The following MIPEP variants were observed in gnomAD, a reference collection of about 807,000 sequenced individuals.
MIPEP encodes mitochondrial intermediate peptidase.
MIPEP carries 79 observed loss-of-function variants against 90.3 expected under a neutral mutation model. The ratio of observed to expected loss-of-function variants is 0.87; its 90% CI spans 0.73 to 1.05. The LOEUF (loss-of-function observed/expected upper bound fraction) is 1.05, where lower values mean the gene tolerates loss of function less well. Among genes scored for constraint, MIPEP ranks in the 50% least tolerant of loss-of-function variants. The pLI is 0.00. For synonymous variants in MIPEP, 334 were observed against 315.8 expected (o/e 1.06, Z -0.61); for missense variants, 940 against 905.6 (o/e 1.04, Z -0.49).
chr13:23,782,957 A>G (rs1425220289), intron 16 of MIPEP, among the ~76,000 whole-genome samples: 5 of 152,222 alleles, frequency 3.3e-5, no homozygotes, highest in Non-Finnish European at 7.3e-5. Flanking sequence ...AATTGAGGCA[A>G]TAATTAATAG....
At chr13:23,762,031 A>T (rs1477582557) in intron 16 of MIPEP, among the ~76,000 whole-genome samples, 6 of 152,206 alleles carry the variant, frequency 3.9e-5, no homozygotes, top group Non-Finnish European at 7.3e-5. Flanking sequence ...AAGCTGAAGC[A>T]GGAGAACTGC....
intron 16 of MIPEP, 52 bp downstream of exon 16, chr13:23,805,898 G>T (rs1037752983): frequency 3.2e-6 from 5 of 1,586,092 alleles, no homozygotes; most frequent in African/African-American, 2.7e-5. Flanking sequence ...AGCTACAGAA[G>T]TAATAGCAGA....
chr13:23,888,050 GC>G, intron 1 of MIPEP: 1 of 404,578 alleles, frequency 2.5e-6, no homozygotes, highest in East Asian at 7.6e-5. Context: ...TTTTTTCAAG[GC>G]AAAAATCAAT....
chr13:23,758,907 G>C (rs1565983732), intron 17 of MIPEP, among the ~76,000 whole-genome samples: 1 of 152,136 alleles, frequency 6.6e-6, no homozygotes, highest in Non-Finnish European at 1.5e-5. Context: ...TGAACAAACT[G>C]TTTTCTCTGA....
At chr13:23,782,338 C>T (rs1309594553) in intron 16 of MIPEP, among the ~76,000 whole-genome samples, 4 of 152,052 alleles carry the variant, frequency 2.6e-5, no homozygotes, top group African/African-American at 9.7e-5. Flanking sequence ...AACTGAACAA[C>T]CTGCTCCTGA....
intron 16 of MIPEP, among the ~76,000 whole-genome samples, chr13:23,789,144 C>G (rs1196060954): frequency 6.6e-6 from 1 of 151,968 alleles, no homozygotes; most frequent in East Asian, 1.9e-4. Context: ...CTTCTGTTGT[C>G]ATTGTTTTAT....
chr13:23,857,041 G>A (rs938714024), intron 10 of MIPEP, among the ~76,000 whole-genome samples: 48 of 151,874 alleles, frequency 3.2e-4, no homozygotes, highest in Middle Eastern at 3.4e-3. Context: ...ACTCTCCAAT[G>A]TCAAAAATCA....
chr13:23,735,122 G>A (rs1952247395), intron 18 of MIPEP, among the ~76,000 whole-genome samples: 1 of 152,144 alleles, frequency 6.6e-6, no homozygotes, highest in Admixed American at 6.5e-5. Context: ...GGGTGGGAGA[G>A]CCAGCTTTTC....
At chr13:23,834,308 C>G (rs1192488449) in intron 14 of MIPEP, among the ~76,000 whole-genome samples, 1 of 152,176 alleles carries the variant, frequency 6.6e-6, no homozygotes, top group Non-Finnish European at 1.5e-5. Flanking sequence ...CAGCAGAAGA[C>G]CCAACCCATA....
chr13:23,798,865 C>A (rs527605849), intron 16 of MIPEP, among the ~76,000 whole-genome samples: 5 of 152,216 alleles, frequency 3.3e-5, no homozygotes, highest in Admixed American at 6.5e-5. Context: ...CCTGCAAAAA[C>A]CACGAGCCAA....
chr13:23,883,599 T>C (rs1276043091), intron 2 of MIPEP, among the ~76,000 whole-genome samples: 1 of 152,174 alleles, frequency 6.6e-6, no homozygotes. Flanking sequence ...AATATGTAAA[T>C]AGCTGATACA....
chr13:23,805,854 G>T, intron 16 of MIPEP, 96 bp downstream of exon 16: 2 of 1,341,102 alleles, frequency 1.5e-6, no homozygotes, highest in Non-Finnish European at 2.1e-6. Context: ...TAAATGTAGG[G>T]ATTTCAAGTT....
At position 23,776,670 on chromosome 13, in the gene MIPEP, A is replaced by G. The variant is rs988267841; in HGVS notation, c.1849-16453T>C. ...AATAATTTAGTTCTAAAACATCTCT[A>G]TCGGAAAAAGGTTTTATGGTTGACT... On this transcript the variant is annotated intron_variant, in intron 16 of 18. Coordinates refer to ENST00000382172, the MANE Select transcript of MIPEP (RefSeq NM_005932.4). Among the ~76,000 whole-genome samples, 6 of 152,322 alleles carry G rather than the reference A, an allele frequency of 3.9e-5. No homozygotes were observed. The East Asian group carries it at 1.2e-3, about 29-fold the overall frequency.
intron 7 of MIPEP, among the ~76,000 whole-genome samples, chr13:23,867,739 G>A (rs1043643577): frequency 6.6e-6 from 1 of 152,058 alleles, no homozygotes; most frequent in East Asian, 1.9e-4. Context: ...AGGGCATTAG[G>A]TCTCAAGCAG....
chr13:23,813,157 T>G (rs1953193485), intron 14 of MIPEP, among the ~76,000 whole-genome samples: 1 of 152,242 alleles, frequency 6.6e-6, no homozygotes, highest in Non-Finnish European at 1.5e-5. Flanking sequence ...TGATTTTCTT[T>G]TAAAGTTGTA....
In MIPEP at chr13:23,861,663, A is replaced by G. The variant is rs573679799; in HGVS notation, c.1053+639T>C. On this transcript the variant is annotated intron_variant, in intron 9 of 18. Transcript: ENST00000382172. ...GCATTTGGAAAAGAATGGTGTAGAC[A>G]ACCCCGGCAATCCTGTAGTGCCCTA... Among the ~76,000 whole-genome samples, 5 of 152,248 alleles carry G rather than the reference A, an allele frequency of 3.3e-5. No homozygotes were observed. The East Asian group carries it at 9.6e-4, about 29-fold the overall frequency.
In MIPEP at chr13:23,824,881, G is replaced by A. The variant is rs796952866; in HGVS notation, c.1653+11359C>T. ...GCTTACACTTTATCACAGACCCACC[G>A]ATGGTTTAAAGAAACATAGGTCAGA... On this transcript the variant is annotated intron_variant, in intron 14 of 18. Coordinates refer to ENST00000382172, the MANE Select transcript of MIPEP (RefSeq NM_005932.4). Among the ~76,000 whole-genome samples the A allele has an allele frequency of 6.6e-5, 10 of 152,268 alleles. No homozygotes were observed. The East Asian group carries it at 1.7e-3, about 26-fold the overall frequency.
At chr13:23,739,355 T>G (rs1365188635) in intron 18 of MIPEP, among the ~76,000 whole-genome samples, 1 of 152,264 alleles carries the variant, frequency 6.6e-6, no homozygotes, top group Admixed American at 6.5e-5. Context: ...AGTCCTTTTA[T>G]TTAAAAAGTT....
chr13:23,785,544 C>G (rs1407728728), intron 16 of MIPEP, among the ~76,000 whole-genome samples: 1 of 149,794 alleles, frequency 6.7e-6, no homozygotes, highest in East Asian at 2.0e-4. Flanking sequence ...TTAATGGGTG[C>G]AGCACACCAA....
Sources: allele counts gnomAD v4.1 joint callset (sites outside exome capture counted in the v4.1 genomes callset), GRCh38; gene constraint gnomAD v4.1.1; transcripts MANE v1.5; gene names NCBI Gene and HGNC (gene_info 2026-07-23, HGNC 2026-07-21).